Variants in CRYBG3 observed in about 807,000 individuals in gnomAD.
CRYBG3 encodes very large A-kinase anchor protein.
In CRYBG3, 127 loss-of-function variants were observed where a neutral mutation model predicts 244.2. That is an observed-to-expected ratio of 0.52 (90% CI 0.45 to 0.60). The LOEUF is 0.60. CRYBG3 is among the 20% of genes least tolerant of loss of function. CRYBG3 has a pLI of 0.00. For synonymous variants in CRYBG3, 1,132 were observed against 1,195.8 expected (o/e 0.95, Z 1.10); for missense variants, 3,325 against 3,442.5 (o/e 0.97, Z 0.85).
At chr3:97,918,894 A>T (rs1430291793) in intron 17 of CRYBG3, among the ~76,000 whole-genome samples, 1 of 152,186 alleles carries the variant, frequency 6.6e-6, no homozygotes, top group Non-Finnish European at 1.5e-5. Flanking sequence ...CATTTTGCCT[A>T]TGCACACATC....
At chr3:97,888,750 T>C (rs1342469294) in intron 9 of CRYBG3, among the ~76,000 whole-genome samples, 2 of 152,148 alleles carry the variant, frequency 1.3e-5, no homozygotes, top group African/African-American at 4.8e-5. Context: ...TTAAGAAATA[T>C]CACAACGTGG....
At position 97,875,901 on chromosome 3, in the gene CRYBG3, A is replaced by C; in HGVS notation, c.4707A>C (p.Glu1569Asp). The C allele has an allele frequency of 2.4e-6, 3 of 1,232,052 alleles. No homozygotes were observed. Among genetic ancestry groups the C allele is most frequent in the Non-Finnish European group, 3.0e-6 (3 of 987,916 alleles). 76.3% of individuals were successfully genotyped at this position (1,232,052 alleles called of 1,614,324 possible). The change falls in exon 4 of 22, where the codon GAA (glutamate) becomes GAC (aspartate). Residue 1569 changes from glutamate to aspartate, a missense_variant. Glu to Asp is a conservative substitution (Grantham distance 45, BLOSUM62 2). This residue lies in a region of CRYBG3 where 635 missense variants were observed against 771.7 expected (regional missense o/e 0.82). Coordinates refer to ENST00000389622, the MANE Select transcript of CRYBG3 (RefSeq NM_153605.4). ...LKYEAVPPMIEMGRIHKMDAE... is the reference protein window; with the variant it reads ...LKYEAVPPMIDMGRIHKMDAE... ...ATGAGGCAGTCCCTCCTATGATAGAAATGGGAAGAATACATAAAATGGATG... is the reference window on the plus strand; with the variant it reads ...ATGAGGCAGTCCCTCCTATGATAGACATGGGAAGAATACATAAAATGGATG...
At chr3:97,910,423 G>C (rs576653095) in intron 15 of CRYBG3, among the ~76,000 whole-genome samples, 1 of 152,250 alleles carries the variant, frequency 6.6e-6, no homozygotes, top group Non-Finnish European at 1.5e-5. Flanking sequence ...AGGACCCTCC[G>C]AGCCAGGTGC....
intron 19 of CRYBG3, among the ~76,000 whole-genome samples, chr3:97,940,776 C>A (rs1293907801): frequency 6.6e-6 from 1 of 151,874 alleles, no homozygotes; most frequent in Non-Finnish European, 1.5e-5. Flanking sequence ...TTAGAAAATC[C>A]TTGTAGGTAA....
intron 17 of CRYBG3, 185 bp from the exon 18 acceptor site, chr3:97,933,509 T>C (rs1458716021): frequency 2.9e-6 from 2 of 699,054 alleles, no homozygotes; most frequent in Admixed American, 4.5e-5. Context: ...TACAAAAAAG[T>C]GAACAAAAAT....
intron 2 of CRYBG3, among the ~76,000 whole-genome samples, chr3:97,855,716 A>T (rs1576523552): frequency 6.6e-6 from 1 of 152,140 alleles, no homozygotes; most frequent in South Asian, 2.1e-4. Flanking sequence ...AAGACATCAC[A>T]TGTCGGTAGG....
chr3:97,867,409 A>T (rs575797185), intron 3 of CRYBG3, among the ~76,000 whole-genome samples: 1 of 152,210 alleles, frequency 6.6e-6, no homozygotes, highest in African/African-American at 2.4e-5. Flanking sequence ...AAGTTTAGCT[A>T]TGACTTTCAG....
chr3:97,865,357 G>A (rs1369059279), intron 3 of CRYBG3, among the ~76,000 whole-genome samples: 1 of 152,086 alleles, frequency 6.6e-6, no homozygotes, highest in African/African-American at 2.4e-5. Context: ...ATTTGAAGAA[G>A]CCATCAAAAA....
chr3:97,940,131 G>A (rs968179726), intron 19 of CRYBG3, among the ~76,000 whole-genome samples: 6 of 152,036 alleles, frequency 3.9e-5, no homozygotes, highest in Non-Finnish European at 8.8e-5. Context: ...TGGGTGTCAT[G>A]TTGGGTGTCA....
intron 17 of CRYBG3, among the ~76,000 whole-genome samples, chr3:97,928,238 G>T (rs997744159): frequency 6.6e-6 from 1 of 151,902 alleles, no homozygotes; most frequent in Non-Finnish European, 1.5e-5. Context: ...GCAGAATATC[G>T]AATATGTTCT....
chr3:97,926,316 A>G (rs1276797335), intron 17 of CRYBG3, among the ~76,000 whole-genome samples: 1 of 152,128 alleles, frequency 6.6e-6, no homozygotes, highest in Non-Finnish European at 1.5e-5. Context: ...TAAAAACAGA[A>G]TCCTCATAAT....
chr3:97,889,680 T>C (rs2039552341), intron 10 of CRYBG3, among the ~76,000 whole-genome samples: 1 of 152,064 alleles, frequency 6.6e-6, no homozygotes, highest in Non-Finnish European at 1.5e-5. Context: ...GATTTTTGTT[T>C]TGAGGGAAGG....
chr3:97,936,455 C>T (rs1472843428), intron 18 of CRYBG3, among the ~76,000 whole-genome samples: 1 of 151,942 alleles, frequency 6.6e-6, no homozygotes, highest in African/African-American at 2.4e-5. Context: ...TGATTTTCTG[C>T]TGGTTAATAG....
intron 2 of CRYBG3, among the ~76,000 whole-genome samples, chr3:97,859,815 CACTTT>C (rs1214985583): frequency 5.9e-5 from 9 of 152,106 alleles, no homozygotes; most frequent in Admixed American, 1.3e-4. Flanking sequence ...CTCTCCTTGC[CACTTT>C]ACTTGGCAGA....
rs1479312829 is a variant in CRYBG3, at chr3:97,911,323, AGT to A, written c.8005-839_8005-838del. On this transcript the variant is annotated intron_variant, in intron 15 of 21. Transcript: ENST00000389622. ...GTGGGCCATGTTGTTCCAAGTCTCC[AGT>A]GTGTTATGAAATTTTTACGGGCTCT... Among the ~76,000 whole-genome samples, 3 of 152,244 alleles carry A rather than the reference AGT, an allele frequency of 2.0e-5. No homozygotes were observed. The East Asian group carries it at 5.8e-4, about 29-fold the overall frequency.
chr3:97,878,118 G>T (rs1254269152), intron 4 of CRYBG3, 81 bp downstream of exon 4: 6 of 1,337,758 alleles, frequency 4.5e-6, no homozygotes, highest in Non-Finnish European at 6.1e-6. Flanking sequence ...ATTAAGAAAA[G>T]TCAATGTTTT....
At chr3:97,909,159 T>G (rs1285571049) in intron 15 of CRYBG3, among the ~76,000 whole-genome samples, 1 of 151,774 alleles carries the variant, frequency 6.6e-6, no homozygotes, top group Non-Finnish European at 1.5e-5. Context: ...AACCCGACCT[T>G]TCTCTCTGGC....
Position 97,873,697 on chromosome 3 carries a change from A to G in CRYBG3, c.2503A>G (p.Thr835Ala). ...GGAGTCACATTCTGGAAGAGGAAAA[A>G]CTATATCCTTGTCCAAGGTATCTCT... ...LVESHSGRGKTISLSKVSLSK... is the reference protein window; with the variant it reads ...LVESHSGRGKAISLSKVSLSK... Residue 835 changes from threonine to alanine, a missense_variant, in exon 4 of 22, where the codon ACT becomes GCT. Thr to Ala is a moderately conservative substitution (Grantham distance 58, BLOSUM62 0). Transcript: ENST00000389622. The G allele has an allele frequency of 1.3e-6, 2 of 1,535,906 alleles. No homozygotes were observed. The highest frequency in any genetic ancestry group is 8.7e-7 in the Non-Finnish European group (1 of 1,146,824).
chr3:97,873,419 G>A lies in CRYBG3; in HGVS notation c.2225G>A (p.Cys742Tyr), dbSNP rs2108214818. 6.5e-7 allele frequency: 1 copy of A among 1,535,248 alleles called. No individual in the cohort carries two copies. Among genetic ancestry groups the A allele is most frequent in the South Asian group, 1.2e-5 (1 of 83,838 alleles). ...FKEVLSNSEKCQVLPGSEASG... is the reference protein window; with the variant it reads ...FKEVLSNSEKYQVLPGSEASG... ...GAAGTTCTTTCTAATAGTGAAAAAT[G>A]CCAGGTTCTTCCAGGTTCTGAAGCC... Residue 742 changes from cysteine to tyrosine, a missense_variant, in exon 4 of 22, where the codon TGC becomes TAC. By Grantham distance (194) the Cys-to-Tyr change is radical (BLOSUM62 -2). Coordinates refer to ENST00000389622, the MANE Select transcript of CRYBG3 (RefSeq NM_153605.4).
Sources: allele counts gnomAD v4.1 joint callset (sites outside exome capture counted in the v4.1 genomes callset), GRCh38; gene constraint gnomAD v4.1.1; regional missense constraint gnomAD v4.1.1; transcripts MANE v1.5; gene names NCBI Gene and HGNC (gene_info 2026-07-23, HGNC 2026-07-21).